LEMD3: variants seen among roughly 807,000 people sequenced by gnomAD.
LEMD3 encodes LEM domain containing 3.
Under a neutral mutation model 95.2 loss-of-function variants are expected in LEMD3, and 33 were observed. The ratio of observed to expected loss-of-function variants is 0.35; its 90% CI spans 0.26 to 0.46. The LOEUF (loss-of-function observed/expected upper bound fraction) is 0.46, where lower values mean the gene tolerates loss of function less well. Ranked by LOEUF, LEMD3 falls within the 20% of genes least tolerant of loss-of-function variation. The pLI, the probability that LEMD3 is intolerant of heterozygous loss-of-function variation, is 1.00. For synonymous variants in LEMD3, 525 were observed against 474.6 expected, an observed-to-expected ratio of 1.11 and a Z score of -1.38; for missense variants, 1,210 against 1,192.8, an observed-to-expected ratio of 1.01 and a Z score of -0.21.
chr12:65,173,945 A>G (rs1293127850), intron 1 of LEMD3, among the ~76,000 whole-genome samples: 1 of 152,092 alleles, frequency 6.6e-6, no homozygotes, highest in Non-Finnish European at 1.5e-5. Flanking sequence ...TTCACTCCAT[A>G]TATATATACA....
intron 4 of LEMD3, among the ~76,000 whole-genome samples, chr12:65,224,431 G>GA (rs911363731): frequency 1.3e-5 from 2 of 152,074 alleles, no homozygotes; most frequent in African/African-American, 4.8e-5. Flanking sequence ...ACTATGGTCT[G>GA]AAAATATTAA....
intron 1 of LEMD3, among the ~76,000 whole-genome samples, chr12:65,203,885 T>A (rs1472669880): frequency 6.6e-6 from 1 of 152,226 alleles, no homozygotes; most frequent in Non-Finnish European, 1.5e-5. Flanking sequence ...TATGTAATGC[T>A]CCTCTTTGTC....
chr12:65,202,947 C>T (rs1869650330), intron 1 of LEMD3, among the ~76,000 whole-genome samples: 1 of 152,038 alleles, frequency 6.6e-6, no homozygotes, highest in Non-Finnish European at 1.5e-5. Context: ...CTTAGCTAGC[C>T]CACCTAAACG....
chr12:65,202,814 A>G (rs1012370907), intron 1 of LEMD3, among the ~76,000 whole-genome samples: 3 of 152,124 alleles, frequency 2.0e-5, no homozygotes, highest in East Asian at 1.9e-4. Context: ...TGTTTCATCA[A>G]GGTTGTCAAA....
chr12:65,199,369 A>G (rs57442287), intron 1 of LEMD3, among the ~76,000 whole-genome samples: 5,280 of 152,194 alleles, frequency 0.035, 307 homozygotes, highest in African/African-American at 0.12. Flanking sequence ...AAATGAAACC[A>G]TGCTTATGAA....
chr12:65,245,578 T>G, intron 10 of LEMD3, 91 bp from the exon 11 acceptor site: 1 of 873,644 alleles, frequency 1.1e-6, no homozygotes, highest in Non-Finnish European at 1.9e-6. Context: ...ACTATACCAA[T>G]TCTAGTAATA....
Position 65,248,118 on chromosome 12 carries a change from A to T in LEMD3, c.*1793A>T, listed in dbSNP as rs1871170184. On this transcript the variant is annotated 3_prime_UTR_variant, in exon 13 of 13. Coordinates refer to ENST00000308330, the MANE Select transcript of LEMD3 (RefSeq NM_014319.5). Reference sequence around the variant, plus strand: ...TTTTCTTGCTTCTAAAACATATTTCATGTAAACATTGTACATTTATTATTG... The same window carrying T: ...TTTTCTTGCTTCTAAAACATATTTCTTGTAAACATTGTACATTTATTATTG... 1 of 152,472 alleles carries T rather than the reference A, an allele frequency of 6.6e-6. No individual in the cohort carries two copies. The highest frequency in any genetic ancestry group is 2.4e-5 in the African/African-American group (1 of 41,432). 9.4% of individuals were successfully genotyped at this position (152,472 alleles called of 1,614,324 possible). A position where few individuals can be genotyped will look rare whatever the true frequency, so the allele number is the denominator to read the frequency against.
Position 65,170,337 on chromosome 12 carries a change from C to T in LEMD3, c.741C>T (p.Ser247=). 1 of 1,605,082 alleles carries T rather than the reference C, an allele frequency of 6.2e-7. No homozygotes were observed. Among genetic ancestry groups the T allele is most frequent in the Non-Finnish European group, 8.5e-7 (1 of 1,175,806 alleles). ...PLWASRTVNG[S]RLVPYSCREN... ...GGGCGAGCCGGACCGTGAATGGCAG[C>T]CGGCTTGTCCCCTACAGCTGCCGGG... Residue 247 remains serine (S), a synonymous_variant, in exon 1 of 13, where the codon AGC becomes AGT. Coordinates refer to ENST00000308330, the MANE Select transcript of LEMD3 (RefSeq NM_014319.5).
intron 1 of LEMD3, among the ~76,000 whole-genome samples, chr12:65,197,366 A>G (rs947731343): frequency 1.3e-5 from 2 of 152,146 alleles, no homozygotes; most frequent in African/African-American, 4.8e-5. Context: ...CTCCACTACA[A>G]GTAGAAGTTG....
At position 65,200,463 on chromosome 12, in the gene LEMD3, A is replaced by G. The variant is rs150453274; in HGVS notation, c.1523-10463A>G. Among the ~76,000 whole-genome samples, 8 of 152,260 alleles carry G rather than the reference A, an allele frequency of 5.3e-5. No individual in the cohort carries two copies. In the East Asian group the frequency reaches 1.4e-3, roughly 26 times the overall value. ...AAAACACCAAGAACCAGGATGACTC[A>G]TAGTCAAGACCTTCCACCAGTAATA... On this transcript the variant is annotated intron_variant, in intron 1 of 12. Coordinates refer to ENST00000308330, the MANE Select transcript of LEMD3 (RefSeq NM_014319.5).
Position 65,169,911 on chromosome 12 carries a change from G to A in LEMD3, c.315G>A (p.Gly105=). ...ACCTCTCCTACTTACGGACTCCTGG[G>A]GGCCTGTGCCGAATCTCGGCCTCTG... is the stretch of plus-strand genomic sequence containing the variant. The part of the protein sequence containing the change: ...SGDLSYLRTP[G]GLCRISASGP... The change falls in exon 1 of 13, where the codon GGG becomes GGA. Residue 105 remains glycine, a synonymous_variant. Transcript: ENST00000308330. 2 of 1,449,952 alleles carry A rather than the reference G, an allele frequency of 1.4e-6. No homozygotes were observed. Among genetic ancestry groups the A allele is most frequent in the Non-Finnish European group, 1.8e-6 (2 of 1,104,540 alleles). The allele number at this position is 1,449,952 out of a possible 1,614,324, so 89.8% of individuals were successfully genotyped here.
chr12:65,177,249 A>C (rs527302652), intron 1 of LEMD3, among the ~76,000 whole-genome samples: 20 of 152,328 alleles, frequency 1.3e-4, no homozygotes, highest in Middle Eastern at 3.4e-3. Context: ...GATGGTTTAG[A>C]CAGTGATAGG....
At chr12:65,217,884 C>T (rs1870156915) in intron 3 of LEMD3, among the ~76,000 whole-genome samples, 1 of 152,034 alleles carries the variant, frequency 6.6e-6, no homozygotes. Flanking sequence ...GTAGGGTGAT[C>T]ACAGCTCACT....
At position 65,221,489 on chromosome 12, in the gene LEMD3, C is replaced by T. The variant is rs1170259223; in HGVS notation, c.1695+2870C>T. Among the ~76,000 whole-genome samples the T allele has an allele frequency of 6.6e-5, 10 of 151,840 alleles. No homozygotes were observed. In the East Asian group the frequency reaches 9.8e-4, roughly 15 times the overall value. ...CCTCCTGCCTTGGCCTCCTAAAGCA[C>T]GGATTACAAGCATGAGCCACCACAC... On this transcript the variant is annotated intron_variant, in intron 4 of 12. Coordinates refer to ENST00000308330, the MANE Select transcript of LEMD3 (RefSeq NM_014319.5).
intron 1 of LEMD3, among the ~76,000 whole-genome samples, chr12:65,188,176 T>C (rs988421270): frequency 4.8e-4 from 73 of 151,602 alleles, no homozygotes; most frequent in African/African-American, 1.7e-3. Flanking sequence ...CCCCCTCCAG[T>C]ATAGTATAAA....
At chr12:65,177,865 A>G (rs1868774800) in intron 1 of LEMD3, among the ~76,000 whole-genome samples, 2 of 148,782 alleles carry the variant, frequency 1.3e-5, no homozygotes, top group Admixed American at 6.7e-5. Flanking sequence ...TCAATATGAG[A>G]CAGGGTCTTG....
chr12:65,186,889 G>C (rs1428457445), intron 1 of LEMD3, among the ~76,000 whole-genome samples: 1 of 151,900 alleles, frequency 6.6e-6, no homozygotes, highest in Non-Finnish European at 1.5e-5. Context: ...ACTTAAAGTG[G>C]CAAGTCAAAA....
In LEMD3 at chr12:65,222,934, A is replaced by G. The variant is rs115192342; in HGVS notation, c.1695+4315A>G. Among the ~76,000 whole-genome samples the G allele has an allele frequency of 2.0e-3, 298 of 152,092 alleles. 1 individual carries two copies. Among genetic ancestry groups the G allele is most frequent in the African/African-American group, 7.0e-3 (289 of 41,520 alleles). On this transcript the variant is annotated intron_variant, in intron 4 of 12. Transcript: ENST00000308330. ...GGAGAATGTTGTTTAATTTACACAT[A>G]TTTGTGAATTTCTCAGTTTTTCTCT...
chr12:65,241,054 T>C lies in LEMD3; in HGVS notation c.2272T>C (p.Leu758=), dbSNP rs1293004877. ...IQPSASCDKI[L]VIPSKVWQGQ... Reference sequence around the variant, plus strand: ...GCCTTCTGCATCCTGTGACAAAATATTAGTTATACCTTCTAAAGTATGGCA... The same window carrying C: ...GCCTTCTGCATCCTGTGACAAAATACTAGTTATACCTTCTAAAGTATGGCA... The change falls in exon 9 of 13, where the codon TTA becomes CTA. Residue 758 remains leucine (L), a synonymous_variant. Transcript: ENST00000308330. The C allele has an allele frequency of 1.2e-6, 2 of 1,614,024 alleles. No individual in the cohort carries two copies. The highest frequency in any genetic ancestry group is 1.7e-5 in the Admixed American group (1 of 60,014).
Sources: allele counts gnomAD v4.1 joint callset (sites outside exome capture counted in the v4.1 genomes callset), GRCh38; gene constraint gnomAD v4.1.1; transcripts MANE v1.5; gene names NCBI Gene and HGNC (gene_info 2026-07-23, HGNC 2026-07-21).